Variants in CMTM3 observed in about 807,000 individuals in gnomAD.
CMTM3 encodes CKLF-like MARVEL transmembrane domain-containing protein 3.
CMTM3 carries 7 observed loss-of-function variants against 18.2 expected under a neutral mutation model. The ratio of observed to expected loss-of-function variants is 0.38; its 90% CI spans 0.22 to 0.72. The LOEUF (loss-of-function observed/expected upper bound fraction) is 0.72, where lower values mean the gene tolerates loss of function less well. Ranked by LOEUF, CMTM3 falls within the 30% of genes least tolerant of loss-of-function variation. The probability of loss-of-function intolerance (pLI) is 0.46; values close to 1 mark genes in which losing one functional copy is unlikely to be tolerated. For synonymous variants in CMTM3, 109 were observed against 111.2 expected (o/e 0.98, Z 0.12); for missense variants, 227 against 249.2 (o/e 0.91, Z 0.60).
rs2015398367 is a variant in CMTM3, at chr16:66,612,101, AC to A, written c.521-505del. On this transcript the variant is annotated intron_variant, in intron 4 of 4. Transcript: ENST00000567572. This position sits in a 1 kb window ranked among gnomAD's most constrained non-coding sequence, Gnocchi z 6.0. ...TGGAAACACCCCCACCTGCACCCGC[AC>A]CCACACCCTGGAGGTGCAAGTGGCT... 6.6e-6 allele frequency among the ~76,000 whole-genome samples: 1 copy of A among 152,064 alleles called. No individual in the cohort carries two copies. The highest frequency in any genetic ancestry group is 1.5e-5 in the Non-Finnish European group (1 of 68,010).
rs1308597937 is a variant in CMTM3, at chr16:66,612,632, G to A, written c.544G>A (p.Asp182Asn). The change falls in exon 5 of 5, where the codon GAC becomes AAC. Residue 182 changes from aspartate to asparagine, a missense_variant. Asp to Asn is a conservative substitution (Grantham distance 23). Coordinates refer to ENST00000567572, the MANE Select transcript of CMTM3 (RefSeq NM_181553.4). This position sits in a 1 kb window ranked among gnomAD's most constrained non-coding sequence, Gnocchi z 6.0. ...AGAAGAGAATTCCGACTCGGACTCT[G>A]ACTGAAGGCCTGGCGGGTGCCTTGG... Reference protein sequence around the residue: ...TEEENSDSDSD With the variant: ...TEEENSDSDSN The A allele has an allele frequency of 6.2e-7, 1 of 1,614,098 alleles. No homozygotes were observed.
rs565393018 is a variant in CMTM3, at chr16:66,613,574, T to C, written c.*937T>C. 2.0e-3 allele frequency: 305 copies of C among 156,224 alleles called. No individual in the cohort carries two copies. The highest frequency in any genetic ancestry group is 3.6e-3 in the Non-Finnish European group (258 of 70,706). The allele number at this position is 156,224 out of a possible 1,614,324, so 9.7% of individuals were successfully genotyped here. A position where few individuals can be genotyped will look rare whatever the true frequency, so the allele number is the denominator to read the frequency against. On this transcript the variant is annotated 3_prime_UTR_variant, in exon 5 of 5. Coordinates refer to ENST00000567572, the MANE Select transcript of CMTM3 (RefSeq NM_181553.4). The stretch of plus-strand genomic sequence containing the variant: ...TGTCTTTGATGGAATTTTGTAACTT[T>C]TTATATTTTTTTATGCAAAAGCAGC...
At position 66,604,908 on chromosome 16, in the gene CMTM3, G is replaced by GCTTT. The variant is rs1264627681; in HGVS notation, c.105_108dup (p.Leu37PhefsTer50). On this transcript the variant is annotated frameshift_variant, in exon 1 of 5. Coordinates refer to ENST00000567572, the MANE Select transcript of CMTM3 (RefSeq NM_181553.4). LOFTEE classifies it high-confidence loss of function. ...GCTCCGCGCCCTGCTGCCGGCGCGGGCTTTCCTCTGCTCTCTCAAAGGCCG... is the reference window on the plus strand; with the variant it reads ...GCTCCGCGCCCTGCTGCCGGCGCGGGCTTTCTTTCCTCTGCTCTCTCAAAGGCCG... 6.8e-6 allele frequency: 10 copies of GCTTT among 1,472,998 alleles called. No individual in the cohort carries two copies. The East Asian group carries it at 3.0e-4, about 44-fold the overall frequency. The allele number at this position is 1,472,998 out of a possible 1,614,324, so 91.2% of individuals were successfully genotyped here. A position where few individuals can be genotyped will look rare whatever the true frequency, so the allele number is the denominator to read the frequency against.
At chr16:66,611,613 A>G (rs2015380016) in intron 4 of CMTM3, among the ~76,000 whole-genome samples, 1 of 152,014 alleles carries the variant, frequency 6.6e-6, no homozygotes, top group African/African-American at 2.4e-5. Flanking sequence ...TGGGGTTCTG[A>G]GAGACAGAGG....
chr16:66,612,494 CA>C lies in CMTM3; in HGVS notation c.521-114del. 9.6e-7 allele frequency: 1 copy of C among 1,042,320 alleles called. No homozygotes were observed. The highest frequency in any genetic ancestry group is 1.4e-6 in the Non-Finnish European group (1 of 693,730). 64.6% of individuals were successfully genotyped at this position (1,042,320 alleles called of 1,614,324 possible). A position where few individuals can be genotyped will look rare whatever the true frequency, so the allele number is the denominator to read the frequency against. ...TCACTGGGAACGGTAGAGTCAGCTG[CA>C]GGAGGCCTGCACCCAGGCTCCTGCC... On this transcript the variant is annotated intron_variant, in intron 4 of 4. Coordinates refer to ENST00000567572, the MANE Select transcript of CMTM3 (RefSeq NM_181553.4). The surrounding 1 kb of genome is among the most constrained non-coding windows in gnomAD (Gnocchi z 6.0).
Position 66,612,727 on chromosome 16 carries a change from A to T in CMTM3, c.*90A>T, listed in dbSNP as rs2015428692. ...CGCTGGCGTTGGAGCGGAGGCCTGG[A>T]CTTCTGAGTTGCAGAGGGGGCTGCG... On this transcript the variant is annotated 3_prime_UTR_variant, in exon 5 of 5. Coordinates refer to ENST00000567572, the MANE Select transcript of CMTM3 (RefSeq NM_181553.4). This position sits in a 1 kb window ranked among gnomAD's most constrained non-coding sequence, Gnocchi z 6.0. 16 of 1,320,684 alleles carry T rather than the reference A, an allele frequency of 1.2e-5. No homozygotes were observed. In the South Asian group the frequency reaches 1.2e-4, roughly 10 times the overall value. The allele number at this position is 1,320,684 out of a possible 1,614,324, so 81.8% of individuals were successfully genotyped here. A position where few individuals can be genotyped will look rare whatever the true frequency, so the allele number is the denominator to read the frequency against.
chr16:66,607,347 A>G (rs1487524668), intron 1 of CMTM3, among the ~76,000 whole-genome samples: 2 of 152,228 alleles, frequency 1.3e-5, no homozygotes, highest in African/African-American at 4.8e-5. Context: ...CACCTTTCAC[A>G]GCTGGCCCTG....
rs2015063604 is a variant in CMTM3 at position 66,604,792 on chromosome 16, C to T, written c.-14C>T. 1.5e-5 allele frequency: 19 copies of T among 1,232,904 alleles called. No homozygotes were observed. In the East Asian group the frequency reaches 6.3e-4, roughly 41 times the overall value. The allele number at this position is 1,232,904 out of a possible 1,614,324, so 76.4% of individuals were successfully genotyped here. ...GGAGCCAGGCCGAGCCCCGGCCCTA[C>T]CGCCGCCGCCGCCATGTGGCCCCCA... On this transcript the variant is annotated 5_prime_UTR_variant, in exon 1 of 5. Coordinates refer to ENST00000567572, the MANE Select transcript of CMTM3 (RefSeq NM_181553.4).
In CMTM3 at chr16:66,608,259, A is replaced by C. The variant is rs375195620; in HGVS notation, c.148-50A>C. 93 of 1,606,174 alleles carry C rather than the reference A, an allele frequency of 5.8e-5. No individual in the cohort carries two copies. The highest frequency in any genetic ancestry group is 7.5e-5 in the Non-Finnish European group (88 of 1,174,768). ...AGGGCCTGGCTCAGAGGAGCACTGG[A>C]CAAGGAACATGAAAAGGCTCTGACT... On this transcript the variant is annotated intron_variant, in intron 1 of 4. Coordinates refer to ENST00000567572, the MANE Select transcript of CMTM3 (RefSeq NM_181553.4). The surrounding 1 kb of genome is among the most constrained non-coding windows in gnomAD (Gnocchi z 5.1).
Position 66,605,755 on chromosome 16 carries a change from C to A in CMTM3, c.147+803C>A, listed in dbSNP as rs1379156934. Among the ~76,000 whole-genome samples the A allele has an allele frequency of 6.6e-6, 1 of 152,166 alleles. No homozygotes were observed. Among genetic ancestry groups the A allele is most frequent in the Non-Finnish European group, 1.5e-5 (1 of 68,020 alleles). On this transcript the variant is annotated intron_variant, in intron 1 of 4. Coordinates refer to ENST00000567572, the MANE Select transcript of CMTM3 (RefSeq NM_181553.4). The surrounding 1 kb of genome is among the most constrained non-coding windows in gnomAD (Gnocchi z 4.6). ...CAGGCGCCTGATTTGACAGGTGGCT[C>A]AACTGAGGGGCCCAGTGAGAGCGGC...
At chr16:66,606,469 C>T (rs1435324763) in intron 1 of CMTM3, among the ~76,000 whole-genome samples, 1 of 152,090 alleles carries the variant, frequency 6.6e-6, no homozygotes, top group African/African-American at 2.4e-5. Flanking sequence ...CTCAGCTGCA[C>T]CCAAGGCCAT....
rs1242489223 is a variant in CMTM3 at position 66,608,728 on chromosome 16, G to A, written c.303+264G>A. 2.6e-5 allele frequency among the ~76,000 whole-genome samples: 4 copies of A among 152,120 alleles called. No homozygotes were observed. Among genetic ancestry groups the A allele is most frequent in the South Asian group, 2.1e-4 (1 of 4,830 alleles). ...GGGTCTCTGGCCACCAGGTGGCGCC[G>A]GTGCTCCCCACCGGGCCTACAGGAA... is the stretch of plus-strand genomic sequence containing the variant. On this transcript the variant is annotated intron_variant, in intron 2 of 4. Coordinates refer to ENST00000567572, the MANE Select transcript of CMTM3 (RefSeq NM_181553.4). The surrounding 1 kb of genome is among the most constrained non-coding windows in gnomAD (Gnocchi z 5.1).
At chr16:66,604,571 G>C, upstream of CMTM3, 1 of 324,986 alleles carries the variant, frequency 3.1e-6, no homozygotes, top group South Asian at 1.5e-4. Context: ...GTCTGCGGAG[G>C]CCCCAGGCCG....
At position 66,608,216 on chromosome 16, in the gene CMTM3, C is replaced by T. The variant is rs2015233501; in HGVS notation, c.148-93C>T. On this transcript the variant is annotated intron_variant, in intron 1 of 4. Transcript: ENST00000567572. The surrounding 1 kb of genome is among the most constrained non-coding windows in gnomAD (Gnocchi z 5.1). ...AGCAGTTGGCTTCCCCTGCTGGAAC[C>T]TCCTCTATCCTGACCACAGGGCCTG... 2.1e-6 allele frequency: 3 copies of T among 1,415,060 alleles called. No individual in the cohort carries two copies. The highest frequency in any genetic ancestry group is 2.9e-5 in the African/African-American group (2 of 70,074). The allele number at this position is 1,415,060 out of a possible 1,614,324, so 87.7% of individuals were successfully genotyped here.
In CMTM3 at chr16:66,609,550, C is replaced by T. The variant is rs1337287546; in HGVS notation, c.399+20C>T. ...GCTGGGGTGAGCAGCCGCCCCACCCCTCTGGAAACTGCAGATGCCCCTCTA... is the reference window on the plus strand; with the variant it reads ...GCTGGGGTGAGCAGCCGCCCCACCCTTCTGGAAACTGCAGATGCCCCTCTA... On this transcript the variant is annotated intron_variant, in intron 3 of 4. Coordinates refer to ENST00000567572, the MANE Select transcript of CMTM3 (RefSeq NM_181553.4). The surrounding 1 kb of genome is among the most constrained non-coding windows in gnomAD (Gnocchi z 4.4). The T allele has an allele frequency of 7.6e-6, 12 of 1,574,134 alleles. No individual in the cohort carries two copies. The highest frequency in any genetic ancestry group is 1.0e-5 in the Non-Finnish European group (12 of 1,157,254).
At chr16:66,607,217 C>A (rs1239860905) in intron 1 of CMTM3, among the ~76,000 whole-genome samples, 1 of 152,242 alleles carries the variant, frequency 6.6e-6, no homozygotes, top group Non-Finnish European at 1.5e-5. Context: ...CTGCAGCGTA[C>A]CTGGGCTGCA....
rs145128932 is a variant in CMTM3, at chr16:66,611,427, C to A, written c.521-1182C>A. On this transcript the variant is annotated intron_variant, in intron 4 of 4. Transcript: ENST00000567572. The stretch of plus-strand genomic sequence containing the variant: ...TCAAGACATCGCACTCCAGCCTGGG[C>A]GACAGAGTGAGACTCCATCTCGGGG... 2.0e-5 allele frequency among the ~76,000 whole-genome samples: 3 copies of A among 151,500 alleles called. No homozygotes were observed. In the South Asian group the frequency reaches 6.3e-4, roughly 32 times the overall value.
rs1425642339 is a variant in CMTM3, at chr16:66,609,155, G to T, written c.304-280G>T. On this transcript the variant is annotated intron_variant, in intron 2 of 4. Coordinates refer to ENST00000567572, the MANE Select transcript of CMTM3 (RefSeq NM_181553.4). The surrounding 1 kb of genome is among the most constrained non-coding windows in gnomAD (Gnocchi z 4.4). ...GGTGTTTCCAACTTCTGCTTCCACC[G>T]CATCGCAGGGCAGGCTGCACCCTGA... Among the ~76,000 whole-genome samples, 1 of 151,780 alleles carries T rather than the reference G, an allele frequency of 6.6e-6. No homozygotes were observed. The highest frequency in any genetic ancestry group is 2.4e-5 in the African/African-American group (1 of 41,282).
Position 66,612,891 on chromosome 16 carries a change from A to C in CMTM3, c.*254A>C. On this transcript the variant is annotated 3_prime_UTR_variant, in exon 5 of 5. Coordinates refer to ENST00000567572, the MANE Select transcript of CMTM3 (RefSeq NM_181553.4). The surrounding 1 kb of genome is among the most constrained non-coding windows in gnomAD (Gnocchi z 6.0). ...CTCCTTCTCCCCATTTCTGTCCCAC[A>C]GGCCTTCAGCCCTTTAACGTCTCTG... The C allele has an allele frequency of 3.3e-6, 2 of 614,414 alleles. No individual in the cohort carries two copies. Among genetic ancestry groups the C allele is most frequent in the Non-Finnish European group, 5.8e-6 (2 of 343,288 alleles). The allele number at this position is 614,414 out of a possible 1,614,324, so 38.1% of individuals were successfully genotyped here.
Sources: gnomAD v4.1 joint callset for allele counts (sites outside exome capture counted in the v4.1 genomes callset) on GRCh38, gnomAD v4.1.1 for gene constraint, Gnocchi (gnomAD v3.1) non-coding constraint, MANE v1.5 for transcripts, NCBI Gene and HGNC (gene_info 2026-07-23, HGNC 2026-07-21) for gene names.